SLMAP: variants seen among roughly 807,000 people sequenced by gnomAD.
The protein encoded by SLMAP is sarcolemma associated protein, also known as sarcolemmal membrane-associated protein.
A neutral mutation model predicts 128.8 loss-of-function variants in SLMAP; 44 were observed. The observed-to-expected ratio is 0.34, with a 90% confidence interval of 0.27 to 0.44. The LOEUF (loss-of-function observed/expected upper bound fraction) is 0.44, where lower values mean the gene tolerates loss of function less well. Ranked by LOEUF, SLMAP falls within the 20% of genes least tolerant of loss-of-function variation. The pLI, the probability that SLMAP is intolerant of heterozygous loss-of-function variation, is 1.00. For synonymous variants in SLMAP, 327 were observed against 348.8 expected (o/e 0.94, Z 0.70); for missense variants, 787 against 985.3 (o/e 0.80, Z 2.69).
At chr3:57,890,186 C>T (rs2096021548) in intron 15 of SLMAP, 86 bp downstream of exon 15, 1 of 1,341,260 alleles carries the variant, frequency 7.5e-7, no homozygotes. Flanking sequence ...AGTATTTTAA[C>T]CATCAGTTTA....
intron 2 of SLMAP, among the ~76,000 whole-genome samples, chr3:57,771,100 CG>C (rs1186498477): frequency 6.6e-6 from 1 of 151,632 alleles, no homozygotes; most frequent in Non-Finnish European, 1.5e-5. Flanking sequence ...GTATTACTTA[CG>C]CAAACTCCTC....
At chr3:57,913,737 G>A (rs562473474) in intron 21 of SLMAP, among the ~76,000 whole-genome samples, 10 of 152,104 alleles carry the variant, frequency 6.6e-5, no homozygotes, top group Middle Eastern at 3.4e-3. Flanking sequence ...TGGGAGGATC[G>A]CTTGAGCCTG....
intron 4 of SLMAP, among the ~76,000 whole-genome samples, chr3:57,845,285 A>G (rs1001996102): frequency 1.3e-5 from 2 of 152,212 alleles, no homozygotes; most frequent in African/African-American, 4.8e-5. Context: ...ACAGATGTAT[A>G]ATCAAAGAAG....
intron 4 of SLMAP, among the ~76,000 whole-genome samples, chr3:57,845,008 A>T (rs1354878695): frequency 1.3e-5 from 2 of 152,210 alleles, no homozygotes; most frequent in Admixed American, 6.5e-5. Context: ...ATCTGCAGAG[A>T]AAAGGATATA....
intron 2 of SLMAP, among the ~76,000 whole-genome samples, chr3:57,772,745 AT>A (rs2081129735): frequency 2.0e-5 from 3 of 151,300 alleles, no homozygotes; most frequent in African/African-American, 7.3e-5. Context: ...GGTTTAATCG[AT>A]TCTCCTGCTT....
intron 5 of SLMAP, 117 bp from the exon 6 acceptor site, chr3:57,849,637 G>T: frequency 3.1e-6 from 2 of 645,346 alleles, no homozygotes; most frequent in South Asian, 4.0e-5. Flanking sequence ...CTATAAATTT[G>T]TGATTTTAAT....
intron 15 of SLMAP, among the ~76,000 whole-genome samples, chr3:57,893,008 T>C (rs1246141226): frequency 6.6e-6 from 1 of 151,828 alleles, no homozygotes. Context: ...TAATTTTTTG[T>C]AGTTTTAGTA....
At chr3:57,766,983 A>G (rs2079871229) in intron 2 of SLMAP, among the ~76,000 whole-genome samples, 1 of 151,674 alleles carries the variant, frequency 6.6e-6, no homozygotes, top group Admixed American at 6.6e-5. Flanking sequence ...TAGTGGTGTG[A>G]TCTTGGCTTA....
At chr3:57,898,299 A>G (rs2096287407) in intron 17 of SLMAP, 1 of 152,212 alleles carries the variant, frequency 6.6e-6, no homozygotes, top group East Asian at 1.9e-4. Flanking sequence ...AAATGTAGTT[A>G]CTGATACTGA....
Position 57,777,343 on chromosome 3 carries a change from G to A in SLMAP, c.198+19494G>A, listed in dbSNP as rs555973243. Among the ~76,000 whole-genome samples, 50 of 94,792 alleles carry A rather than the reference G, an allele frequency of 5.3e-4. No homozygotes were observed. In the Admixed American group the frequency reaches 5.9e-3, roughly 11 times the overall value. 62.2% of individuals were successfully genotyped at this position (94,792 alleles called of 152,430 possible). ...ACATCCTTATGACCTTGAATTCAGG[G>A]AGGCTATAATAATTTACAGGAAGCA... On this transcript the variant is annotated intron_variant, in intron 2 of 24. Transcript: ENST00000671191.
chr3:57,802,346 C>G (rs1200840774), intron 2 of SLMAP, among the ~76,000 whole-genome samples: 1 of 151,892 alleles, frequency 6.6e-6, no homozygotes, highest in African/African-American at 2.4e-5. Flanking sequence ...GGCATGATCT[C>G]AGCTCACTGC....
chr3:57,905,288 T>G (rs2096499228), intron 17 of SLMAP, among the ~76,000 whole-genome samples: 4 of 152,132 alleles, frequency 2.6e-5, no homozygotes, highest in African/African-American at 9.7e-5. Context: ...CTTTTTTTTC[T>G]TTTTCTTTTT....
intron 6 of SLMAP, among the ~76,000 whole-genome samples, chr3:57,854,980 C>T (rs1183288710): frequency 1.3e-5 from 2 of 152,174 alleles, no homozygotes; most frequent in South Asian, 2.1e-4. Flanking sequence ...TCCTAGGCTA[C>T]AAACCCATAC....
At chr3:57,779,977 T>A (rs942624762) in intron 2 of SLMAP, among the ~76,000 whole-genome samples, 3 of 151,974 alleles carry the variant, frequency 2.0e-5, no homozygotes, top group Non-Finnish European at 4.4e-5. Flanking sequence ...TGCTTATATT[T>A]ATTTTTATAT....
intron 21 of SLMAP, 59 bp downstream of exon 21, chr3:57,913,334 C>A: frequency 1.4e-6 from 1 of 723,312 alleles, no homozygotes; most frequent in Non-Finnish European, 2.3e-6. Context: ...AAATTTTCAT[C>A]TAAATTAAAT....
At chr3:57,809,098 C>T (rs1004679125) in intron 2 of SLMAP, among the ~76,000 whole-genome samples, 2 of 152,174 alleles carry the variant, frequency 1.3e-5, no homozygotes, top group East Asian at 1.9e-4. Context: ...CTTCCGGGCA[C>T]AGCTGCAGGC....
chr3:57,771,220 TGAGAGAGA>T (rs377559257), intron 2 of SLMAP, among the ~76,000 whole-genome samples: 169 of 135,760 alleles, frequency 1.2e-3, no homozygotes, highest in African/African-American at 4.3e-3. Flanking sequence ...CCTCCTCCTT[TGAGAGAGA>T]GAGAGAGAGA....
chr3:57,869,643 T>G (rs1257443007), intron 13 of SLMAP, among the ~76,000 whole-genome samples: 1 of 129,708 alleles, frequency 7.7e-6, no homozygotes, highest in African/African-American at 3.0e-5. Flanking sequence ...TATATATATA[T>G]ATATATATAT....
chr3:57,876,124 T>C (rs1289072132), intron 14 of SLMAP, among the ~76,000 whole-genome samples: 1 of 152,220 alleles, frequency 6.6e-6, no homozygotes, highest in Non-Finnish European at 1.5e-5. Flanking sequence ...TATTAGTGCT[T>C]CTATAGTATA....
Sources: allele counts gnomAD v4.1 joint callset (sites outside exome capture counted in the v4.1 genomes callset), GRCh38; gene constraint gnomAD v4.1.1; transcripts MANE v1.5; gene names NCBI Gene and HGNC (gene_info 2026-07-23, HGNC 2026-07-21).